The following CHAF1A variants were observed in gnomAD, a reference collection of about 807,000 sequenced individuals.
The protein encoded by CHAF1A is CAF-1 subunit A.
In CHAF1A, 5 loss-of-function variants were observed where a neutral mutation model predicts 93.2. The observed-to-expected ratio is 0.05, with a 90% CI of 0.03 to 0.11. CHAF1A has a LOEUF of 0.11. Among genes scored for constraint, CHAF1A ranks in the 10% least tolerant of loss-of-function variants. The pLI is 1.00. For missense variants in CHAF1A, 1,102 were observed against 1,259.9 expected, an observed-to-expected ratio of 0.87 and a Z score of 1.90; for synonymous variants, 504 against 510.3, an observed-to-expected ratio of 0.99 and a Z score of 0.17.
At chr19:4,420,669 T>C (rs935718482) in intron 4 of CHAF1A, among the ~76,000 whole-genome samples, 5 of 152,158 alleles carry the variant, frequency 3.3e-5, no homozygotes, top group African/African-American at 1.2e-4. Flanking sequence ...AGGCTGGGCG[T>C]AGTGGCTCGC....
chr19:4,432,128 A>G lies in CHAF1A; in HGVS notation c.2124A>G (p.Ala708=), dbSNP rs550006523. ...GDDLKVLQQF[A]ACFLETLPAQ... is the part of the protein sequence containing the mutation. ...ACCTGAAGGTACTGCAGCAGTTCGC[A>G]GCCTGCTTCCTGGAGACCCTGCCGG... The change falls in exon 12 of 15, where the codon GCA becomes GCG. Residue 708 remains alanine, a synonymous_variant. Transcript: ENST00000301280. 2 of 1,613,710 alleles carry G rather than the reference A, an allele frequency of 1.2e-6. No homozygotes were observed. Among genetic ancestry groups the G allele is most frequent in the Admixed American group, 3.3e-5 (2 of 59,990 alleles).
rs1185824652 is a variant in CHAF1A at position 4,423,877 on chromosome 19, G to T, written c.1377+3G>T. 1.9e-6 allele frequency: 3 copies of T among 1,613,778 alleles called. No homozygotes were observed. The African/African-American group carries it at 4.0e-5, about 22-fold the overall frequency. On this transcript the variant is annotated splice_donor_region_variant and intron_variant, in intron 7 of 14. Coordinates refer to ENST00000301280, the MANE Select transcript of CHAF1A (RefSeq NM_005483.3). ...CAAAGACTCCACAGGCCCCCAAGGT[G>T]AGCAGCCGGCTGCCTTTGCTTTTGG...
chr19:4,436,458 G>T (rs997379451), intron 13 of CHAF1A, among the ~76,000 whole-genome samples: 1 of 152,208 alleles, frequency 6.6e-6, no homozygotes, highest in African/African-American at 2.4e-5. Context: ...GCCACAGGAG[G>T]CCCCCACACA....
At chr19:4,434,577 T>C (rs1004506334) in intron 13 of CHAF1A, among the ~76,000 whole-genome samples, 1 of 152,176 alleles carries the variant, frequency 6.6e-6, no homozygotes, top group Non-Finnish European at 1.5e-5. Context: ...CAGATTGCCC[T>C]GTAGCTGGAA....
rs1974015117 is a variant in CHAF1A, at chr19:4,422,858, C to T, written c.1247+63C>T. On this transcript the variant is annotated intron_variant, in intron 5 of 14. Coordinates refer to ENST00000301280, the MANE Select transcript of CHAF1A (RefSeq NM_005483.3). This position sits in a 1 kb window ranked among gnomAD's most constrained non-coding sequence, Gnocchi z 4.6. ...TGCTGCTGGATTCCGCTCCTGGCCA[C>T]TCTGATGGGGCCTTTCCACTTCACA... The T allele has an allele frequency of 6.8e-7, 1 of 1,474,980 alleles. No homozygotes were observed. Among genetic ancestry groups the T allele is most frequent in the Admixed American group, 1.8e-5 (1 of 56,768 alleles). The allele number at this position is 1,474,980 out of a possible 1,614,324, so 91.4% of individuals were successfully genotyped here.
downstream of CHAF1A, chr19:4,446,168 C>T (rs995101302): frequency 6.2e-7 from 1 of 1,609,278 alleles, no homozygotes; most frequent in Non-Finnish European, 8.5e-7. Flanking sequence ...CCGTACACCG[C>T]CCCCAGCCGC....
At chr19:4,441,721 C>T (rs538555701) in intron 13 of CHAF1A, among the ~76,000 whole-genome samples, 233 of 151,486 alleles carry the variant, frequency 1.5e-3, no homozygotes, top group Non-Finnish European at 2.6e-3. Flanking sequence ...CCGGATAACA[C>T]GATGAAACCC....
At chr19:4,446,883 A>G (rs759544723), downstream of CHAF1A, 1 of 1,614,030 alleles carries the variant, frequency 6.2e-7, no homozygotes. Context: ...AATGGCCTCA[A>G]AAAACTCGTG....
In CHAF1A at chr19:4,433,020, T is replaced by TGA; in HGVS notation, c.2204-49_2204-48dup. The TGA allele has an allele frequency of 1.4e-6, 2 of 1,419,636 alleles. No individual in the cohort carries two copies. The highest frequency in any genetic ancestry group is 5.0e-5 in the East Asian group (2 of 39,790). 87.9% of individuals were successfully genotyped at this position (1,419,636 alleles called of 1,614,324 possible). A position where few individuals can be genotyped will look rare whatever the true frequency, so the allele number is the denominator to read the frequency against. ...ATGTGTTTTGTTTTTTGGCCTGTGG[T>TGA]GATGGGTGGCTCCCCAAGCCTCATG... On this transcript the variant is annotated intron_variant, in intron 12 of 14. Transcript: ENST00000301280. The surrounding 1 kb of genome is among the most constrained non-coding windows in gnomAD (Gnocchi z 5.6).
chr19:4,445,598 GAGA>G, downstream of CHAF1A: 1 of 1,613,630 alleles, frequency 6.2e-7, no homozygotes, highest in Non-Finnish European at 8.5e-7. Context: ...CATGTCCCAC[GAGA>G]AGGTCAGGAG....
rs376699963 is a variant in CHAF1A, at chr19:4,432,167, G to A, written c.2163G>A (p.Gln721=). 3.1e-6 allele frequency: 5 copies of A among 1,611,950 alleles called. No individual in the cohort carries two copies. The highest frequency in any genetic ancestry group is 4.2e-6 in the Non-Finnish European group (5 of 1,179,526). The change falls in exon 12 of 15, where the codon CAG becomes CAA. Residue 721 remains glutamine, a synonymous_variant. Transcript: ENST00000301280. The part of the protein sequence containing the change: ...FLETLPAQEE[Q]TPKASKRERR... ...AGACCCTGCCGGCCCAGGAGGAGCA[G>A]ACGCCCAAGGCCTCCAAGCGGGAGA...
intron 11 of CHAF1A, 155 bp downstream of exon 11, chr19:4,430,796 T>G (rs1239921631): frequency 2.7e-6 from 2 of 727,722 alleles, no homozygotes; most frequent in Non-Finnish European, 4.5e-6. Context: ...TGGGAACAGC[T>G]GGGCCTGAAC....
intron 3 of CHAF1A, among the ~76,000 whole-genome samples, chr19:4,413,894 G>A (rs555769088): frequency 6.6e-6 from 1 of 152,232 alleles, no homozygotes; most frequent in South Asian, 2.1e-4. Flanking sequence ...TTTAGTATTA[G>A]AGTTTTCTAC....
At chr19:4,415,696 G>A (rs894381067) in intron 3 of CHAF1A, among the ~76,000 whole-genome samples, 5 of 152,042 alleles carry the variant, frequency 3.3e-5, no homozygotes, top group African/African-American at 9.7e-5. Flanking sequence ...GCCTGATCTC[G>A]GTGGTGAAAG....
At chr19:4,445,354 A>G (rs1445785466), downstream of CHAF1A, 2 of 1,394,040 alleles carry the variant, frequency 1.4e-6, no homozygotes, top group East Asian at 2.3e-5. Flanking sequence ...CCAATTCCAC[A>G]GCTCCACGGC....
intron 7 of CHAF1A, among the ~76,000 whole-genome samples, chr19:4,427,968 CCCT>C (rs1170789620): frequency 6.6e-6 from 1 of 152,236 alleles, no homozygotes; most frequent in East Asian, 1.9e-4. Flanking sequence ...AGGTGATCCG[CCCT>C]CCTCAGCCTC....
chr19:4,440,462 A>G (rs912998344), intron 13 of CHAF1A, among the ~76,000 whole-genome samples: 4 of 151,690 alleles, frequency 2.6e-5, no homozygotes, highest in Admixed American at 2.6e-4. Context: ...AAAAAAAATT[A>G]GCTGGGCGTG....
chr19:4,431,687 T>G (rs1364631136), intron 11 of CHAF1A, among the ~76,000 whole-genome samples: 1 of 151,774 alleles, frequency 6.6e-6, no homozygotes, highest in African/African-American at 2.4e-5. Context: ...CACCAGAAAA[T>G]TCAGAGGGGT....
intron 4 of CHAF1A, among the ~76,000 whole-genome samples, chr19:4,421,207 G>A (rs1276203865): frequency 6.6e-6 from 1 of 152,082 alleles, no homozygotes; most frequent in Non-Finnish European, 1.5e-5. Context: ...GAGTAGCTGG[G>A]ACTATAGGTG....
Sources: gnomAD v4.1 joint callset for allele counts (sites outside exome capture counted in the v4.1 genomes callset) on GRCh38, gnomAD v4.1.1 for gene constraint, Gnocchi (gnomAD v3.1) non-coding constraint, MANE v1.5 for transcripts, NCBI Gene and HGNC (gene_info 2026-07-23, HGNC 2026-07-21) for gene names.